The following PER3 variants were observed in gnomAD, a reference collection of about 807,000 sequenced individuals.
PER3 encodes the protein period circadian protein homolog 3.
In PER3, 107 loss-of-function variants were observed where a neutral mutation model predicts 127.2. That is an observed-to-expected ratio of 0.84 (90% CI 0.72 to 0.99). The LOEUF (loss-of-function observed/expected upper bound fraction) is 0.99, where lower values mean the gene tolerates loss of function less well. Among genes scored for constraint, PER3 ranks in the 50% least tolerant of loss-of-function variants. PER3 has a pLI of 0.00. For missense variants in PER3, 1,560 were observed against 1,525.8 expected (o/e 1.02, Z -0.37); for synonymous variants, 618 against 585.8 (o/e 1.05, Z -0.79).
chr1:7,832,305 G>A (rs1478801564), intron 19 of PER3, among the ~76,000 whole-genome samples: 1 of 149,184 alleles, frequency 6.7e-6, no homozygotes, highest in African/African-American at 2.5e-5. Context: ...AAAGAACTTT[G>A]GATCTCATTG....
At position 7,816,704 on chromosome 1, in the gene PER3, G is replaced by A. The variant is rs1183700297; in HGVS notation, c.1523-2581G>A. Among the ~76,000 whole-genome samples the A allele has an allele frequency of 3.9e-5, 6 of 152,280 alleles. No homozygotes were observed. In the East Asian group the frequency reaches 7.7e-4, roughly 20 times the overall value. ...TTGACAAGGACACAGAGTGACCAGA[G>A]CACTCACCTATTGTTGGAGGTAATG... On this transcript the variant is annotated intron_variant, in intron 13 of 21. Transcript: ENST00000377532.
chr1:7,801,713 C>G (rs1224949879), intron 8 of PER3, among the ~76,000 whole-genome samples: 3 of 152,038 alleles, frequency 2.0e-5, no homozygotes. Flanking sequence ...TTGAAATAGT[C>G]TTTGTTATTT....
intron 16 of PER3, among the ~76,000 whole-genome samples, chr1:7,823,212 G>A (rs912931607): frequency 3.9e-5 from 6 of 152,226 alleles, no homozygotes; most frequent in Non-Finnish European, 7.3e-5. Context: ...AAGTGAAACC[G>A]TAAGCATCAG....
Position 7,785,552 on chromosome 1 carries a change from C to T in PER3, c.240C>T (p.Leu80=), listed in dbSNP as rs2097083815. The T allele has an allele frequency of 1.2e-6, 2 of 1,613,762 alleles. No individual in the cohort carries two copies. The highest frequency in any genetic ancestry group is 8.5e-7 in the Non-Finnish European group (1 of 1,179,778). Residue 80 remains leucine (L), a synonymous_variant, in exon 3 of 22, where the codon CTC becomes CTT. Coordinates refer to ENST00000377532, the MANE Select transcript of PER3 (RefSeq NM_001377275.1). Reference sequence around the variant, plus strand: ...ATAAACCAAGCACTCTAGATGCCCTCAACTATGCTCTCCGCTGTGTCCACA... The same window carrying T: ...ATAAACCAAGCACTCTAGATGCCCTTAACTATGCTCTCCGCTGTGTCCACA... The part of the protein sequence containing the change: ...RRNKPSTLDA[L]NYALRCVHSV...
rs1017595868 is a variant in PER3 at position 7,835,890 on chromosome 1, A to C, written c.3343A>C (p.Arg1115=). 1 of 1,611,846 alleles carries C rather than the reference A, an allele frequency of 6.2e-7. No homozygotes were observed. The highest frequency in any genetic ancestry group is 1.7e-5 in the Admixed American group (1 of 60,004). ...TAATGTCGCCGAAGAGCCCATCTGG[A>C]GAATGATACGGCAGACACCTGAGCG... ...FPNVAEEPIW[R]MIRQTPERIL... The change falls in exon 20 of 22, where the codon AGA becomes CGA. Residue 1115 remains arginine (R), a synonymous_variant. Coordinates refer to ENST00000377532, the MANE Select transcript of PER3 (RefSeq NM_001377275.1).
chr1:7,839,232 A>G (rs533267539), intron 21 of PER3, among the ~76,000 whole-genome samples: 32 of 152,356 alleles, frequency 2.1e-4, no homozygotes, highest in Non-Finnish European at 4.0e-4. Flanking sequence ...GTAGAGCTCC[A>G]TCTCCATCTT....
At chr1:7,811,142 G>A (rs2097217453) in intron 13 of PER3, among the ~76,000 whole-genome samples, 1 of 152,172 alleles carries the variant, frequency 6.6e-6, no homozygotes, top group Non-Finnish European at 1.5e-5. Context: ...CATAGGGGAT[G>A]TTCAATAATA....
intron 9 of PER3, 39 bp downstream of exon 9, chr1:7,803,192 C>T (rs111316520): frequency 9.1e-6 from 11 of 1,202,270 alleles, no homozygotes; most frequent in East Asian, 2.3e-5. Flanking sequence ...ATATTTTTCT[C>T]TCATTGATTT....
intron 6 of PER3, among the ~76,000 whole-genome samples, chr1:7,795,555 C>T (rs545557113): frequency 1.3e-5 from 2 of 152,240 alleles, no homozygotes; most frequent in African/African-American, 4.8e-5. Context: ...AAAGTGTGTT[C>T]CAGGCAGAGG....
At chr1:7,841,338 T>TAATTCTGG (rs2097387005) in intron 21 of PER3, among the ~76,000 whole-genome samples, 1 of 151,886 alleles carries the variant, frequency 6.6e-6, no homozygotes, top group Non-Finnish European at 1.5e-5. Flanking sequence ...AATAACATAG[T>TAATTCTGG]AATTCTGGAA....
intron 20 of PER3, 106 bp downstream of exon 20, chr1:7,836,051 G>A: frequency 5.7e-6 from 4 of 699,714 alleles, no homozygotes; most frequent in Non-Finnish European, 9.6e-6. Flanking sequence ...AGGCTGGAGT[G>A]CAGTGGCACG....
chr1:7,804,953 C>T (rs555704735), intron 10 of PER3, among the ~76,000 whole-genome samples: 213 of 151,398 alleles, frequency 1.4e-3, no homozygotes, highest in Non-Finnish European at 2.7e-3. Flanking sequence ...ACTGCAACTT[C>T]CGCCTCCTGG....
chr1:7,822,980 G>T (rs1408671450), intron 16 of PER3, among the ~76,000 whole-genome samples: 1 of 152,186 alleles, frequency 6.6e-6, no homozygotes, highest in Middle Eastern at 3.4e-3. Flanking sequence ...GATCAATTGA[G>T]CCTAGCTTGA....
At chr1:7,824,765 G>A (rs898026663) in intron 16 of PER3, among the ~76,000 whole-genome samples, 4 of 152,302 alleles carry the variant, frequency 2.6e-5, no homozygotes, top group South Asian at 2.1e-4. Context: ...CTACAAAGGC[G>A]AGACCTTCCT....
In PER3 at chr1:7,816,015, A is replaced by AAAAAAAAAAATTG. The variant is rs1558436913; in HGVS notation, c.1523-3268_1523-3267insAAAAAAAATTGAA. Among the ~76,000 whole-genome samples, 176 of 148,420 alleles carry AAAAAAAAAAATTG rather than the reference A, an allele frequency of 1.2e-3. 3 individuals are homozygous for AAAAAAAAAAATTG. The highest frequency in any genetic ancestry group is 4.2e-3 in the African/African-American group (165 of 39,320). ...TCAAAAAAAAAAAAAAAAAAAAAAA[A>AAAAAAAAAAATTG]AATTGAATTGAACAAAATGAAAAGA... On this transcript the variant is annotated intron_variant, in intron 13 of 21. Transcript: ENST00000377532.
intron 13 of PER3, among the ~76,000 whole-genome samples, chr1:7,813,885 G>C (rs2097233357): frequency 6.6e-6 from 1 of 152,140 alleles, no homozygotes. Flanking sequence ...CACAGAAGTT[G>C]GAACTATCTG....
chr1:7,808,176 T>C (rs953874272), intron 10 of PER3, among the ~76,000 whole-genome samples: 2 of 133,468 alleles, frequency 1.5e-5, no homozygotes, highest in Non-Finnish European at 3.0e-5. Context: ...AAGATTGCAG[T>C]GAACCAAGAT....
At chr1:7,825,644 C>T (rs998819959) in intron 16 of PER3, among the ~76,000 whole-genome samples, 2 of 152,174 alleles carry the variant, frequency 1.3e-5, no homozygotes, top group African/African-American at 2.4e-5. Context: ...ATAATCCCAG[C>T]GCTTTGGGAG....
chr1:7,822,331 C>T (rs2097280985), intron 16 of PER3, among the ~76,000 whole-genome samples: 2 of 151,690 alleles, frequency 1.3e-5, no homozygotes, highest in East Asian at 1.9e-4. Context: ...TCTCAGCTCA[C>T]TACAGCCTCC....
Sources: allele counts gnomAD v4.1 joint callset (sites outside exome capture counted in the v4.1 genomes callset), GRCh38; gene constraint gnomAD v4.1.1; transcripts MANE v1.5; gene names NCBI Gene and HGNC (gene_info 2026-07-23, HGNC 2026-07-21).